Variants in SEC31A observed in about 807,000 individuals in gnomAD.
The protein encoded by SEC31A is protein transport protein Sec31A.
SEC31A carries 70 observed loss-of-function variants against 151.0 expected under a neutral mutation model. The observed-to-expected ratio is 0.46, with a 90% CI of 0.38 to 0.57. The LOEUF is 0.57. SEC31A is among the 20% of genes least tolerant of loss of function. The probability of loss-of-function intolerance (pLI) is 0.00; values close to 1 mark genes in which losing one functional copy is unlikely to be tolerated. For synonymous variants in SEC31A, 475 were observed against 505.9 expected, an observed-to-expected ratio of 0.94 and a Z score of 0.82; for missense variants, 1,330 against 1,471.2, an observed-to-expected ratio of 0.90 and a Z score of 1.57.
In SEC31A at chr4:82,829,059, C is replaced by G; in HGVS notation, c.2969-1G>C. The G allele has an allele frequency of 1.2e-6, 2 of 1,610,898 alleles. No homozygotes were observed. Among genetic ancestry groups the G allele is most frequent in the Non-Finnish European group, 1.7e-6 (2 of 1,177,334 alleles). On this transcript the variant is annotated splice_acceptor_variant, in intron 22 of 26. Coordinates refer to ENST00000395310, the MANE Select transcript of SEC31A (RefSeq NM_001077207.4). LOFTEE classifies it high-confidence loss of function. ...GGGTCATTCCAACCATTCTGAGGAC[C>G]TATAACAGATAACAGAGAATGTTTT...
At chr4:82,855,106 G>T (rs1312774241) in intron 16 of SEC31A, 77 bp from the exon 17 acceptor site, 17 of 1,245,546 alleles carry the variant, frequency 1.4e-5, no homozygotes, top group Non-Finnish European at 1.7e-5. Context: ...AATTAATTGT[G>T]TCAAGTATTT....
intron 7 of SEC31A, chr4:82,871,311 T>TACACGCATAC: frequency 7.6e-7 from 1 of 1,323,806 alleles, no homozygotes; most frequent in Non-Finnish European, 1.0e-6. Context: ...TATACATGCA[T>TACACGCATAC]ACACACACAC....
chr4:82,841,443 TATATATA>T (rs1265404329), intron 22 of SEC31A, among the ~76,000 whole-genome samples: 12 of 8,468 alleles, frequency 1.4e-3, no homozygotes, highest in Admixed American at 2.1e-3. Context: ...AAAAAAATTT[TATATATA>T]TATATATATA....
intron 14 of SEC31A, among the ~76,000 whole-genome samples, chr4:82,860,303 A>G (rs1222797995): frequency 6.6e-6 from 1 of 152,202 alleles, no homozygotes; most frequent in Non-Finnish European, 1.5e-5. Flanking sequence ...TCAAAGAACC[A>G]AAAGTACACA....
chr4:82,880,816 T>C lies in SEC31A; in HGVS notation c.186A>G (p.Thr62=), dbSNP rs753667686. The C allele has an allele frequency of 1.7e-5, 27 of 1,612,460 alleles. 1 individual carries two copies. In the South Asian group the frequency reaches 2.9e-4, roughly 17 times the overall value. Residue 62 remains threonine, a synonymous_variant, in exon 3 of 27, where the codon ACA becomes ACG. Coordinates refer to ENST00000395310, the MANE Select transcript of SEC31A (RefSeq NM_001077207.4). ...CCTCATACCTGTGAGAAGAGGAGAA[T>C]GTGGCACAAGATTTCATATCCAAGG... The part of the protein sequence containing the change: ...DPSLDMKSCA[T]FSSSHRYHKL...
chr4:82,860,653 T>A (rs1203073748), intron 14 of SEC31A, among the ~76,000 whole-genome samples: 1 of 151,618 alleles, frequency 6.6e-6, no homozygotes, highest in Non-Finnish European at 1.5e-5. Context: ...TTTATTTTTT[T>A]TTTTAGAGAT....
intron 24 of SEC31A, among the ~76,000 whole-genome samples, chr4:82,825,015 C>T (rs1225243523): frequency 6.6e-6 from 1 of 152,164 alleles, no homozygotes; most frequent in Non-Finnish European, 1.5e-5. Context: ...CTGGAAAACA[C>T]ACTCGGCTGG....
intron 14 of SEC31A, among the ~76,000 whole-genome samples, chr4:82,858,542 C>CAAAAAAA (rs201988682): frequency 7.9e-5 from 5 of 62,954 alleles, no homozygotes; most frequent in Admixed American, 2.3e-4. Context: ...GACTCTGTCT[C>CAAAAAAA]AAAAAAAAAA....
At chr4:82,819,288 T>C in intron 26 of SEC31A, 35 bp from the exon 27 acceptor site, 1 of 1,502,064 alleles carries the variant, frequency 6.7e-7, no homozygotes, top group Non-Finnish European at 9.0e-7. Flanking sequence ...AAGAATTAAA[T>C]TAAGGGATAA....
intron 25 of SEC31A, among the ~76,000 whole-genome samples, chr4:82,822,883 G>A (rs528786694): frequency 1.3e-5 from 2 of 152,220 alleles, no homozygotes; most frequent in Admixed American, 6.5e-5. Context: ...TGAGGCAGGA[G>A]AATCTCTTGA....
chr4:82,854,435 G>T (rs1300440109), intron 17 of SEC31A, among the ~76,000 whole-genome samples: 1 of 151,528 alleles, frequency 6.6e-6, no homozygotes. Context: ...GGCAGCAAAT[G>T]GCTATTTGTT....
At chr4:82,870,140 C>G (rs1191354459) in intron 8 of SEC31A, among the ~76,000 whole-genome samples, 185 bp downstream of exon 8, 2 of 152,154 alleles carry the variant, frequency 1.3e-5, no homozygotes, top group Non-Finnish European at 2.9e-5. Flanking sequence ...ACTGATTTTT[C>G]TGGTTAAAAA....
intron 4 of SEC31A, among the ~76,000 whole-genome samples, 174 bp from the exon 5 acceptor site, chr4:82,875,996 TAA>T (rs1246468252): frequency 6.6e-6 from 1 of 152,104 alleles, no homozygotes; most frequent in East Asian, 1.9e-4. Flanking sequence ...TTTCAAAATT[TAA>T]AGTTTTCTAG....
intron 1 of SEC31A, among the ~76,000 whole-genome samples, chr4:82,888,350 C>CAAAAAAAAAA (rs1177774222): frequency 7.6e-5 from 2 of 26,168 alleles, no homozygotes; most frequent in African/African-American, 1.5e-4. Context: ...GACTCCGTCT[C>CAAAAAAAAAA]AAAAAAAAAA....
chr4:82,891,682 T>C (rs1360212762), upstream of SEC31A, among the ~76,000 whole-genome samples: 2 of 152,014 alleles, frequency 1.3e-5, no homozygotes, highest in East Asian at 3.9e-4. Flanking sequence ...AATCTGGGCA[T>C]TCCCAAAGGC....
chr4:82,836,010 G>C (rs1426926805), intron 22 of SEC31A, among the ~76,000 whole-genome samples: 3 of 152,122 alleles, frequency 2.0e-5, no homozygotes, highest in African/African-American at 4.8e-5. Context: ...GTGAAAAACA[G>C]TGTGGTGGTT....
chr4:82,866,143 G>A (rs1175623842), intron 10 of SEC31A, among the ~76,000 whole-genome samples: 1 of 151,628 alleles, frequency 6.6e-6, no homozygotes, highest in Admixed American at 6.6e-5. Flanking sequence ...GGGAGGGAAA[G>A]AGAGACAGAG....
Position 82,872,442 on chromosome 4 carries a change from G to A in SEC31A, c.640-356C>T, listed in dbSNP as rs185641344. On this transcript the variant is annotated intron_variant, in intron 6 of 26. Coordinates refer to ENST00000395310, the MANE Select transcript of SEC31A (RefSeq NM_001077207.4). Reference sequence around the variant, plus strand: ...GACCTCAAATGATCCACCCACCTCGGCCTCCTAAAGTGCTGGTATTACAGG... The same window carrying A: ...GACCTCAAATGATCCACCCACCTCGACCTCCTAAAGTGCTGGTATTACAGG... Among the ~76,000 whole-genome samples, 5 of 152,202 alleles carry A rather than the reference G, an allele frequency of 3.3e-5. No individual in the cohort carries two copies. In the East Asian group the frequency reaches 9.7e-4, roughly 29 times the overall value.
intron 12 of SEC31A, chr4:82,863,110 G>A: frequency 2.1e-6 from 1 of 479,494 alleles, no homozygotes; most frequent in Non-Finnish European, 3.6e-6. Flanking sequence ...AAGTTACATA[G>A]TCATTTATCA....
Sources: gnomAD v4.1 joint callset for allele counts (sites outside exome capture counted in the v4.1 genomes callset) on GRCh38, gnomAD v4.1.1 for gene constraint, MANE v1.5 for transcripts, NCBI Gene and HGNC (gene_info 2026-07-23, HGNC 2026-07-21) for gene names.